Variants in ZNF276 observed in about 807,000 individuals in gnomAD.
ZNF276 encodes the protein centromere protein Z.
Under a neutral mutation model 63.9 loss-of-function variants are expected in ZNF276, and 59 were observed. The ratio of observed to expected loss-of-function variants is 0.92; its 90% confidence interval spans 0.75 to 1.15. ZNF276 has a LOEUF of 1.15. ZNF276 is among the 50% of genes most tolerant of loss of function. The probability of loss-of-function intolerance (pLI) is 0.00; values close to 1 mark genes in which losing one functional copy is unlikely to be tolerated. For synonymous variants in ZNF276, 496 were observed against 348.4 expected (o/e 1.42, Z -4.72); for missense variants, 1,084 against 843.8 (o/e 1.28, Z -3.53).
chr16:89,735,645 A>G (rs1567584036), intron 9 of ZNF276, among the ~76,000 whole-genome samples: 1 of 152,082 alleles, frequency 6.6e-6, no homozygotes, highest in Non-Finnish European at 1.5e-5. Flanking sequence ...CTAAGGCAGT[A>G]GGATTGCTTG....
upstream of ZNF276, chr16:89,720,786 G>A (rs1041148620): frequency 6.2e-6 from 9 of 1,459,010 alleles, no homozygotes; most frequent in South Asian, 9.3e-5. Flanking sequence ...CCGGTGTCCA[G>A]CTCGATGGCC....
In ZNF276 at chr16:89,739,747, AGGAG is replaced by A; in HGVS notation, c.*1504_*1507del. 2 of 1,489,406 alleles carry A rather than the reference AGGAG, an allele frequency of 1.3e-6. No homozygotes were observed. Among genetic ancestry groups the A allele is most frequent in the Admixed American group, 4.2e-5 (2 of 47,650 alleles). The allele number at this position is 1,489,406 out of a possible 1,614,324, so 92.3% of individuals were successfully genotyped here. On this transcript the variant is annotated 3_prime_UTR_variant, in exon 11 of 11. Transcript: ENST00000443381. ...GAGGATGGGGGGGTCGACCTCTTGC[AGGAG>A]GGTGGGTGTGGTGCAGAGAGAGGCA...
In ZNF276 at chr16:89,739,954, G is replaced by C; in HGVS notation, c.*1708G>C. On this transcript the variant is annotated 3_prime_UTR_variant, in exon 11 of 11. Coordinates refer to ENST00000443381, the MANE Select transcript of ZNF276 (RefSeq NM_001113525.2). ...CATTTGCAAGATGCCTCTGAAAAGA[G>C]CGGCCCTCCGCATTTGTGCCTCAGC... The C allele has an allele frequency of 6.2e-7, 1 of 1,611,814 alleles. No homozygotes were observed. The highest frequency in any genetic ancestry group is 8.5e-7 in the Non-Finnish European group (1 of 1,178,062).
chr16:89,731,296 C>T (rs1394471115), intron 6 of ZNF276, among the ~76,000 whole-genome samples: 3 of 152,240 alleles, frequency 2.0e-5, no homozygotes, highest in African/African-American at 7.2e-5. Context: ...CTCTGTTGCC[C>T]AGACTGGAGT....
chr16:89,739,677 A>G lies in ZNF276; in HGVS notation c.*1431A>G. 1 of 1,516,690 alleles carries G rather than the reference A, an allele frequency of 6.6e-7. No homozygotes were observed. Among genetic ancestry groups the G allele is most frequent in the Non-Finnish European group, 8.9e-7 (1 of 1,122,962 alleles). The allele number at this position is 1,516,690 out of a possible 1,614,324, so 94.0% of individuals were successfully genotyped here. A position where few individuals can be genotyped will look rare whatever the true frequency, so the allele number is the denominator to read the frequency against. ...CTGGCTGTGGGGATAGTGTGGGGCG[A>G]ACAGCCTGAGCTGAGGATACCCAGG... On this transcript the variant is annotated 3_prime_UTR_variant, in exon 11 of 11. Coordinates refer to ENST00000443381, the MANE Select transcript of ZNF276 (RefSeq NM_001113525.2).
At position 89,739,157 on chromosome 16, in the gene ZNF276, G is replaced by A. The variant is rs1375696811; in HGVS notation, c.*911G>A. 1 of 1,614,166 alleles carries A rather than the reference G, an allele frequency of 6.2e-7. No individual in the cohort carries two copies. On this transcript the variant is annotated 3_prime_UTR_variant, in exon 11 of 11. Transcript: ENST00000443381. ...CCTGACCCTTGAGCTCCAGGCTCCT[G>A]CCAGCTGGAGGTGAAACTGTGCTTG...
At chr16:89,730,815 C>A (rs1304105253) in intron 6 of ZNF276, among the ~76,000 whole-genome samples, 1 of 152,208 alleles carries the variant, frequency 6.6e-6, no homozygotes, top group African/African-American at 2.4e-5. Context: ...GTGCTGCCTC[C>A]CAGTCTTGTC....
In ZNF276 at chr16:89,740,037, C is replaced by T. The variant is rs17227361; in HGVS notation, c.*1791C>T. 5.0e-4 allele frequency: 815 copies of T among 1,614,212 alleles called. 1 individual carries two copies. The African/African-American group carries it at 9.7e-3, about 19-fold the overall frequency. On this transcript the variant is annotated 3_prime_UTR_variant, in exon 11 of 11. Transcript: ENST00000443381. ...AGAGTGCCAGCCAGGATATCTTCCT[C>T]TTCTCTAAACACTCGAGGATTGCTG...
Position 89,738,785 on chromosome 16 carries a change from T to G in ZNF276, c.*539T>G. 6.2e-7 allele frequency: 1 copy of G among 1,612,996 alleles called. No individual in the cohort carries two copies. The highest frequency in any genetic ancestry group is 8.5e-7 in the Non-Finnish European group (1 of 1,179,566). Reference sequence around the variant, plus strand: ...CACAGGGGAGGGGCTCTGGCAGAAATAGTCGAGTTGTATTGCCAGCCAGGC... The same window carrying G: ...CACAGGGGAGGGGCTCTGGCAGAAAGAGTCGAGTTGTATTGCCAGCCAGGC... On this transcript the variant is annotated 3_prime_UTR_variant, in exon 11 of 11. Transcript: ENST00000443381.
chr16:89,733,679 C>G (rs1345245184), intron 8 of ZNF276, 122 bp downstream of exon 8: 3 of 1,194,456 alleles, frequency 2.5e-6, no homozygotes, highest in African/African-American at 3.0e-5. Context: ...CTAGGTTAAC[C>G]GAGACCTGAA....
At chr16:89,732,830 C>A in intron 6 of ZNF276, 1 of 215,958 alleles carries the variant, frequency 4.6e-6, no homozygotes, top group Non-Finnish European at 9.4e-6. Flanking sequence ...CCTGACCCTG[C>A]TGTGTCCTGC....
In ZNF276 at chr16:89,737,914, GAGTC is replaced by G. The variant is rs1409407108; in HGVS notation, c.1574+12_1574+15del. ...GGAGCCAAGCCTTTGCAGTAAGTGTGAGTCAGGACCCCCTCCCAGGGCTGTGGCC... is the reference window on the plus strand; with the variant it reads ...GGAGCCAAGCCTTTGCAGTAAGTGTGAGGACCCCCTCCCAGGGCTGTGGCC... On this transcript the variant is annotated intron_variant, in intron 10 of 10. Coordinates refer to ENST00000443381, the MANE Select transcript of ZNF276 (RefSeq NM_001113525.2). 5 of 1,571,482 alleles carry G rather than the reference GAGTC, an allele frequency of 3.2e-6. No individual in the cohort carries two copies. Among genetic ancestry groups the G allele is most frequent in the Non-Finnish European group, 4.3e-6 (5 of 1,171,198 alleles).
chr16:89,723,025 A>C (rs915942742), intron 2 of ZNF276, 112 bp from the exon 3 acceptor site: 37 of 1,602,924 alleles, frequency 2.3e-5, no homozygotes, highest in East Asian at 1.6e-4. Flanking sequence ...GAGGGAAGAG[A>C]AAGTTGCCTA....
At position 89,723,595 on chromosome 16, in the gene ZNF276, G is replaced by A; in HGVS notation, c.892G>A (p.Glu298Lys). The change falls in exon 4 of 11, where the codon GAG (glutamate) becomes AAG (lysine). Residue 298 changes from glutamate to lysine, a missense_variant. Coordinates refer to ENST00000443381, the MANE Select transcript of ZNF276 (RefSeq NM_001113525.2). The stretch of plus-strand genomic sequence containing the variant: ...AGGGACAGGGACCCCAGTTGGGGCT[G>A]AGACCAAGACCCTGCCCAGCACGGA... ...GRGTGTPVGAETKTLPSTDVA... is the reference protein window; with the variant it reads ...GRGTGTPVGAKTKTLPSTDVA... 1 of 1,612,814 alleles carries A rather than the reference G, an allele frequency of 6.2e-7. No individual in the cohort carries two copies. Among genetic ancestry groups the A allele is most frequent in the South Asian group, 1.1e-5 (1 of 91,090 alleles).
intron 4 of ZNF276, among the ~76,000 whole-genome samples, chr16:89,726,687 C>T (rs1597981000): frequency 1.3e-5 from 2 of 152,000 alleles, no homozygotes; most frequent in Middle Eastern, 6.8e-3. Context: ...TGCTCTTTTG[C>T]CCAGGCTGGA....
chr16:89,721,715 C>A lies in ZNF276; in HGVS notation c.75C>A (p.Gly25=). 1 of 1,361,958 alleles carries A rather than the reference C, an allele frequency of 7.3e-7. No individual in the cohort carries two copies. Among genetic ancestry groups the A allele is most frequent in the Non-Finnish European group, 9.4e-7 (1 of 1,058,582 alleles). 84.4% of individuals were successfully genotyped at this position (1,361,958 alleles called of 1,614,324 possible). A position where few individuals can be genotyped will look rare whatever the true frequency, so the allele number is the denominator to read the frequency against. ...AGTGCGGGGCCTCGGACGGCGGCGG[C>A]GGCGTCAGCCGGACTCGGGGCCGCC... ...SRQCGASDGG[G]GVSRTRGRPS... is the part of the protein sequence containing the mutation. Residue 25 remains glycine (G), a synonymous_variant, in exon 1 of 11, where the codon GGC becomes GGA. Coordinates refer to ENST00000443381, the MANE Select transcript of ZNF276 (RefSeq NM_001113525.2).
intron 9 of ZNF276, among the ~76,000 whole-genome samples, chr16:89,736,288 A>C (rs1013723253): frequency 2.6e-5 from 4 of 151,038 alleles, no homozygotes; most frequent in East Asian, 2.0e-4. Context: ...TGGCCTCCCA[A>C]AGTGCTGGGA....
At chr16:89,723,095 C>G (rs772453613) in intron 2 of ZNF276, 42 bp from the exon 3 acceptor site, 20 of 1,612,684 alleles carry the variant, frequency 1.2e-5, no homozygotes, top group Non-Finnish European at 1.7e-5. Context: ...CTGTGAACCT[C>G]CGCCTGCTTG....
intron 9 of ZNF276, among the ~76,000 whole-genome samples, chr16:89,734,800 C>G (rs188291540): frequency 2.3e-4 from 35 of 152,300 alleles, no homozygotes; most frequent in African/African-American, 7.9e-4. Context: ...CTGTGCCCGT[C>G]TTATTTTTCA....
Sources: gnomAD v4.1 joint callset for allele counts (sites outside exome capture counted in the v4.1 genomes callset) on GRCh38, gnomAD v4.1.1 for gene constraint, MANE v1.5 for transcripts, NCBI Gene and HGNC (gene_info 2026-07-23, HGNC 2026-07-21) for gene names.